Variants in CLHC1 observed in about 807,000 individuals in gnomAD.
CLHC1 encodes the protein clathrin heavy chain linker domain containing 1.
In CLHC1, 72 loss-of-function variants were observed where a neutral mutation model predicts 69.5. The observed-to-expected ratio is 1.04, with a 90% CI of 0.86 to 1.26. CLHC1 has a LOEUF of 1.26. Ranked by LOEUF, CLHC1 falls within the 50% of genes most tolerant of loss-of-function variation. The probability of loss-of-function intolerance (pLI) is 0.00; values close to 1 mark genes in which losing one functional copy is unlikely to be tolerated. For missense variants in CLHC1, 790 were observed against 679.3 expected, an observed-to-expected ratio of 1.16 and a Z score of -1.81; for synonymous variants, 223 against 224.3, an observed-to-expected ratio of 0.99 and a Z score of 0.05.
At chr2:55,222,610 T>C in intron 2 of CLHC1, 117 bp from the exon 3 acceptor site, 1 of 460,442 alleles carries the variant, frequency 2.2e-6, no homozygotes, top group Non-Finnish European at 3.8e-6. Context: ...TGATAAATAC[T>C]TCAACCTATG....
intron 3 of CLHC1, among the ~76,000 whole-genome samples, chr2:55,221,046 T>A (rs1478806742): frequency 1.3e-5 from 2 of 152,208 alleles, no homozygotes; most frequent in Non-Finnish European, 2.9e-5. Flanking sequence ...TATATCACTA[T>A]CTGAACCTCA....
At chr2:55,197,125 G>C (rs891676888) in intron 9 of CLHC1, among the ~76,000 whole-genome samples, 2 of 152,088 alleles carry the variant, frequency 1.3e-5, no homozygotes, top group African/African-American at 4.8e-5. Context: ...GCGGGAAGGA[G>C]AGGAAAAAAT....
In CLHC1 at chr2:55,222,493, C is replaced by A; in HGVS notation, c.-82G>T. ...GCAACAAAGCCAAAACTTTGATAAG[C>A]CTGAAAGAAAAAAAGAGCATCAATT... On this transcript the variant is annotated splice_region_variant and 5_prime_UTR_variant, in exon 3 of 13. Transcript: ENST00000401408. The A allele has an allele frequency of 6.0e-6, 6 of 1,007,332 alleles. No individual in the cohort carries two copies. Among genetic ancestry groups the A allele is most frequent in the South Asian group, 3.6e-5 (2 of 55,688 alleles). 62.4% of individuals were successfully genotyped at this position (1,007,332 alleles called of 1,614,324 possible).
rs376673334 is a variant in CLHC1 at position 55,204,235 on chromosome 2, G to C, written c.1006+2035C>G. ...GGAGGCGGAGGTTGTGGTGAGCCGAGATCACGCCATTGCATTCCAGCCTGG... is the reference window on the plus strand; with the variant it reads ...GGAGGCGGAGGTTGTGGTGAGCCGACATCACGCCATTGCATTCCAGCCTGG... On this transcript the variant is annotated intron_variant, in intron 9 of 12. Coordinates refer to ENST00000401408, the MANE Select transcript of CLHC1 (RefSeq NM_152385.4). 3.9e-5 allele frequency among the ~76,000 whole-genome samples: 6 copies of C among 152,280 alleles called. No individual in the cohort carries two copies. In the South Asian group the frequency reaches 1.0e-3, roughly 26 times the overall value.
chr2:55,209,169 G>A (rs768284975), intron 7 of CLHC1, among the ~76,000 whole-genome samples: 8 of 152,004 alleles, frequency 5.3e-5, no homozygotes, highest in Admixed American at 3.3e-4. Context: ...CACCGTGCCC[G>A]GCCTCCTCTT....
rs1669949064 is a variant in CLHC1, at chr2:55,181,666, G to A, written c.1085C>T (p.Pro362Leu). The change falls in exon 10 of 13, where the codon CCA becomes CTA. Residue 362 changes from proline (P) to leucine (L), a missense_variant. Transcript: ENST00000401408. Reference protein sequence around the residue: ...EALFITSHAFPCPVDAALTLE... With the variant: ...EALFITSHAFLCPVDAALTLE... The stretch of plus-strand genomic sequence containing the variant: ...GGTTAGAGCTGCATCAACAGGACAT[G>A]GAAAAGCATGACTTGTGATAAAGAG... The A allele has an allele frequency of 1.2e-6, 2 of 1,613,554 alleles. No homozygotes were observed. The highest frequency in any genetic ancestry group is 1.7e-6 in the Non-Finnish European group (2 of 1,179,726).
intron 8 of CLHC1, among the ~76,000 whole-genome samples, chr2:55,207,154 G>T (rs1210342623): frequency 6.6e-6 from 1 of 152,004 alleles, no homozygotes; most frequent in Middle Eastern, 3.4e-3. Flanking sequence ...GAGATCAAGA[G>T]GTGTCCTTGG....
chr2:55,228,876 A>G (rs752838718), intron 1 of CLHC1, among the ~76,000 whole-genome samples: 2 of 152,200 alleles, frequency 1.3e-5, no homozygotes, highest in African/African-American at 2.4e-5. Flanking sequence ...TAGTCCAGGC[A>G]CAGCGGCTCA....
chr2:55,174,202 G>A lies in CLHC1; in HGVS notation c.*1588C>T, dbSNP rs923348636. 2.0e-5 allele frequency among the ~76,000 whole-genome samples: 3 copies of A among 152,098 alleles called. No homozygotes were observed. Among genetic ancestry groups the A allele is most frequent in the African/African-American group, 7.2e-5 (3 of 41,422 alleles). ...AAATTGCTTTTTAAACTATGCACAT[G>A]TATTACTTTAAAAATGCTACGTTTT... On this transcript the variant is annotated 3_prime_UTR_variant, in exon 13 of 13. Coordinates refer to ENST00000401408, the MANE Select transcript of CLHC1 (RefSeq NM_152385.4).
chr2:55,202,882 G>A, intron 9 of CLHC1, among the ~76,000 whole-genome samples: 1 of 136,406 alleles, frequency 7.3e-6, no homozygotes. Context: ...CTGGGTGACA[G>A]AGTGAGACTC....
intron 11 of CLHC1, among the ~76,000 whole-genome samples, chr2:55,179,537 C>CT (rs1319471358): frequency 1.3e-5 from 2 of 152,080 alleles, no homozygotes; most frequent in African/African-American, 2.4e-5. Context: ...ACTAAAACTC[C>CT]TTTTTCCTGG....
At chr2:55,201,817 C>G (rs192060648) in intron 9 of CLHC1, among the ~76,000 whole-genome samples, 1 of 151,972 alleles carries the variant, frequency 6.6e-6, no homozygotes, top group Non-Finnish European at 1.5e-5. Context: ...TCATCATAAC[C>G]AAGTGGGATT....
At chr2:55,194,486 C>A (rs1671210153) in intron 9 of CLHC1, among the ~76,000 whole-genome samples, 1 of 151,434 alleles carries the variant, frequency 6.6e-6, no homozygotes, top group African/African-American at 2.4e-5. Flanking sequence ...AGATCATGAA[C>A]AAGGCAGAAA....
At chr2:55,191,310 C>A (rs573647262) in intron 9 of CLHC1, among the ~76,000 whole-genome samples, 4 of 152,314 alleles carry the variant, frequency 2.6e-5, no homozygotes, top group African/African-American at 9.6e-5. Flanking sequence ...GATCTTGGCT[C>A]ACTGCACCTC....
intron 9 of CLHC1, among the ~76,000 whole-genome samples, chr2:55,202,284 G>A (rs1465457393): frequency 6.0e-5 from 9 of 150,734 alleles, no homozygotes; most frequent in East Asian, 3.9e-4. Flanking sequence ...AGCTGGGTGC[G>A]GTGGCTCATG....
At position 55,222,212 on chromosome 2, in the gene CLHC1, T is replaced by C. The variant is rs776513448; in HGVS notation, c.177+23A>G. ...CATTGCTATCCTCATGAAAACTTAA[T>C]TGTCTTAAAAGCTTTATGATACCTT... On this transcript the variant is annotated intron_variant, in intron 3 of 12. Transcript: ENST00000401408. 7.7e-6 allele frequency: 12 copies of C among 1,566,044 alleles called. No individual in the cohort carries two copies. In the South Asian group the frequency reaches 1.1e-4, roughly 15 times the overall value.
At chr2:55,199,877 G>C (rs1671772578) in intron 9 of CLHC1, among the ~76,000 whole-genome samples, 2 of 152,114 alleles carry the variant, frequency 1.3e-5, no homozygotes, top group South Asian at 2.1e-4. Flanking sequence ...TGACAGGAGT[G>C]AGTCCTTACT....
chr2:55,206,242 T>C (rs1380815631), intron 9 of CLHC1, 28 bp downstream of exon 9: 5 of 1,278,168 alleles, frequency 3.9e-6, no homozygotes, highest in South Asian at 1.2e-5. Context: ...TTTTCATACA[T>C]ATATAAGGTT....
chr2:55,206,478 T>A, intron 8 of CLHC1, 102 bp from the exon 9 acceptor site: 2 of 683,664 alleles, frequency 2.9e-6, no homozygotes, highest in Non-Finnish European at 5.1e-6. Context: ...GGCATAACGA[T>A]ATGGAAAAAC....
Sources: gnomAD v4.1 joint callset for allele counts (sites outside exome capture counted in the v4.1 genomes callset) on GRCh38, gnomAD v4.1.1 for gene constraint, MANE v1.5 for transcripts, NCBI Gene and HGNC (gene_info 2026-07-23, HGNC 2026-07-21) for gene names.